SKA3: variants seen among roughly 807,000 people sequenced by gnomAD.
The protein encoded by SKA3 is spindle and kinetochore associated complex subunit 3.
In SKA3, 39 loss-of-function variants were observed where a neutral mutation model predicts 44.2. That is an observed-to-expected ratio of 0.88 (90% CI 0.68 to 1.15). The LOEUF is 1.15. Among genes scored for constraint, SKA3 ranks in the 50% most tolerant of loss-of-function variants. SKA3 has a pLI of 0.00. For synonymous variants in SKA3, 192 were observed against 172.0 expected (o/e 1.12, Z -0.91); for missense variants, 511 against 485.8 (o/e 1.05, Z -0.49).
chr13:21,158,601 A>T (rs1870264204), intron 6 of SKA3, among the ~76,000 whole-genome samples: 1 of 152,200 alleles, frequency 6.6e-6, no homozygotes, highest in Non-Finnish European at 1.5e-5. Context: ...AGCCTGGGTG[A>T]CAGAGTGAGA....
chr13:21,166,068 A>C (rs1870698280), intron 4 of SKA3, among the ~76,000 whole-genome samples: 1 of 150,362 alleles, frequency 6.7e-6, no homozygotes, highest in Non-Finnish European at 1.5e-5. Flanking sequence ...TCTAGGCTGG[A>C]GTGCAGTGGC....
Position 21,155,792 on chromosome 13 carries a change from GA to G in SKA3, c.1138del (p.Ser380GlnfsTer3). 1 of 1,575,036 alleles carries G rather than the reference GA, an allele frequency of 6.3e-7. No individual in the cohort carries two copies. Among genetic ancestry groups the G allele is most frequent in the Non-Finnish European group, 8.7e-7 (1 of 1,152,338 alleles). On this transcript the variant is annotated frameshift_variant, in exon 8 of 9. Coordinates refer to ENST00000314759, the MANE Select transcript of SKA3 (RefSeq NM_145061.6). LOFTEE classifies it high-confidence loss of function. ...AATTGCTATTGGAGTAGCTAGGTTT[GA>G]GTTGTATTTTGATAAAAGCTAAAAA... ...DILQLLSKYN[S>X]NLATPIAIKA... is the part of the protein sequence containing the mutation.
chr13:21,156,185 TAA>T (rs35208915), intron 7 of SKA3, among the ~76,000 whole-genome samples: 10 of 128,850 alleles, frequency 7.8e-5, no homozygotes, highest in African/African-American at 5.9e-5. Context: ...AGACTTGGTC[TAA>T]AAAAAAAAAA....
chr13:21,158,653 A>G (rs138744853), intron 6 of SKA3, among the ~76,000 whole-genome samples: 418 of 152,246 alleles, frequency 2.7e-3, no homozygotes, highest in Non-Finnish European at 4.8e-3. Context: ...AACCAAAAAA[A>G]CGCTTAATGT....
intron 6 of SKA3, among the ~76,000 whole-genome samples, 166 bp from the exon 7 acceptor site, chr13:21,158,291 G>A (rs1004263849): frequency 6.8e-4 from 104 of 152,286 alleles, no homozygotes; most frequent in African/African-American, 2.3e-3. Flanking sequence ...GCATACAGAG[G>A]ACAAAATATC....
At position 21,168,329 on chromosome 13, in the gene SKA3, C is replaced by A. The variant is rs1275690513; in HGVS notation, c.402G>T (p.Val134=). Residue 134 remains valine, a synonymous_variant, in exon 4 of 9, where the codon GTG becomes GTT. Transcript: ENST00000314759. ...SNCENFQKTD[V]KDDLSDPPVA... is the part of the protein sequence containing the mutation. ...CAGGAGGATCAGACAGATCATCTTT[C>A]ACATCAGTCTTCTGAAAATTTTCAC... The A allele has an allele frequency of 1.2e-6, 2 of 1,614,094 alleles. No individual in the cohort carries two copies. The highest frequency in any genetic ancestry group is 1.1e-5 in the South Asian group (1 of 91,078).
intron 4 of SKA3, 125 bp from the exon 5 acceptor site, chr13:21,162,000 T>C: frequency 6.1e-6 from 3 of 490,828 alleles, no homozygotes; most frequent in Non-Finnish European, 1.0e-5. Context: ...GGTACAGAAG[T>C]CCCATGAAAC....
chr13:21,172,175 A>G (rs1020877712), intron 3 of SKA3, 164 bp downstream of exon 3: 2 of 482,002 alleles, frequency 4.1e-6, no homozygotes, highest in African/African-American at 4.0e-5. Context: ...TTAGCACTCC[A>G]AAAGCACACC....
chr13:21,159,560 A>C (rs1202375693), intron 6 of SKA3, among the ~76,000 whole-genome samples: 1 of 152,106 alleles, frequency 6.6e-6, no homozygotes, highest in African/African-American at 2.4e-5. Context: ...GATCTTATGG[A>C]TATGCCTTGC....
intron 1 of SKA3, 114 bp from the exon 2 acceptor site, chr13:21,172,795 C>T (rs1377567017): frequency 5.0e-6 from 3 of 600,718 alleles, no homozygotes; most frequent in African/African-American, 3.8e-5. Flanking sequence ...TCACAGATCA[C>T]ATATGACAGT....
intron 3 of SKA3, 62 bp downstream of exon 3, chr13:21,172,277 T>A: frequency 1.0e-6 from 1 of 979,464 alleles, no homozygotes; most frequent in South Asian, 2.3e-5. Flanking sequence ...ACAGTTGTCT[T>A]AATCATGCTG....
At chr13:21,171,668 C>CTGCT (rs1364672602) in intron 3 of SKA3, among the ~76,000 whole-genome samples, 1 of 152,066 alleles carries the variant, frequency 6.6e-6, no homozygotes, top group African/African-American at 2.4e-5. Context: ...ATGCTAGGAA[C>CTGCT]TGCTGTAAGC....
intron 4 of SKA3, among the ~76,000 whole-genome samples, chr13:21,164,620 G>A (rs571935850): frequency 2.6e-5 from 4 of 152,258 alleles, no homozygotes; most frequent in African/African-American, 9.6e-5. Context: ...ATCTATTCCT[G>A]TCCATTGCCT....
chr13:21,160,250 A>C (rs1463305349), intron 5 of SKA3, among the ~76,000 whole-genome samples: 1 of 152,248 alleles, frequency 6.6e-6, no homozygotes, highest in Admixed American at 6.5e-5. Context: ...ATATCTATTA[A>C]AAATGGTGTA....
At chr13:21,156,168 C>T (rs954065176) in intron 7 of SKA3, among the ~76,000 whole-genome samples, 1 of 120,398 alleles carries the variant, frequency 8.3e-6, no homozygotes, top group Non-Finnish European at 1.6e-5. Flanking sequence ...GCCTAGGAGA[C>T]AGAGCGAGAC....
intron 4 of SKA3, among the ~76,000 whole-genome samples, chr13:21,164,114 G>A (rs1305998411): frequency 6.6e-6 from 1 of 152,142 alleles, no homozygotes; most frequent in African/African-American, 2.4e-5. Context: ...TGGGATGTCT[G>A]TCTTTCACTA....
chr13:21,173,244 A>G (rs920516540), intron 1 of SKA3, among the ~76,000 whole-genome samples: 1 of 152,094 alleles, frequency 6.6e-6, no homozygotes, highest in Non-Finnish European at 1.5e-5. Context: ...CACAAGGGTA[A>G]ACTTTAGCCT....
At position 21,154,574 on chromosome 13, in the gene SKA3, C is replaced by G. The variant is rs1256874756; in HGVS notation, c.*576G>C. 6.5e-6 allele frequency: 1 copy of G among 153,910 alleles called. No individual in the cohort carries two copies. The highest frequency in any genetic ancestry group is 1.9e-4 in the East Asian group (1 of 5,264). 9.5% of individuals were successfully genotyped at this position (153,910 alleles called of 1,614,324 possible). A position where few individuals can be genotyped will look rare whatever the true frequency, so the allele number is the denominator to read the frequency against. On this transcript the variant is annotated 3_prime_UTR_variant, in exon 9 of 9. Coordinates refer to ENST00000314759, the MANE Select transcript of SKA3 (RefSeq NM_145061.6). Reference sequence around the variant, plus strand: ...CAACCTGACAGCAGAGTTCCTGGTTCCAACTGTTGAGACCTGTCTCTACCT... The same window carrying G: ...CAACCTGACAGCAGAGTTCCTGGTTGCAACTGTTGAGACCTGTCTCTACCT...
In SKA3 at chr13:21,176,405, G is replaced by A; in HGVS notation, c.73C>T (p.Leu25=). The A allele has an allele frequency of 6.3e-7, 1 of 1,581,344 alleles. No individual in the cohort carries two copies. Among genetic ancestry groups the A allele is most frequent in the Non-Finnish European group, 8.6e-7 (1 of 1,164,552 alleles). ...TCCTCTCCGTCCAGCGCTCGCTGCAGCCGGGCCGTCTCGCAGTCCAGCGTG... is the reference window on the plus strand; with the variant it reads ...TCCTCTCCGTCCAGCGCTCGCTGCAACCGGGCCGTCTCGCAGTCCAGCGTG... ...ASTLDCETAR[L]QRALDGEESD... The change falls in exon 1 of 9, where the codon CTG becomes TTG. Residue 25 remains leucine, a synonymous_variant. Coordinates refer to ENST00000314759, the MANE Select transcript of SKA3 (RefSeq NM_145061.6).
Sources: gnomAD v4.1 joint callset for allele counts (sites outside exome capture counted in the v4.1 genomes callset) on GRCh38, gnomAD v4.1.1 for gene constraint, MANE v1.5 for transcripts, NCBI Gene and HGNC (gene_info 2026-07-23, HGNC 2026-07-21) for gene names.